REDIC1: variants seen among roughly 807,000 people sequenced by gnomAD.
REDIC1 encodes the protein HEI10 Interacting Protein 1.
chr12:39,696,322 T>C, the REDIC1 span, among the ~76,000 whole-genome samples: 2 of 151,174 alleles, frequency 1.3e-5, no homozygotes, highest in Non-Finnish European at 2.9e-5. Context: ...GGCGGGCGGA[T>C]CACGAGGTCA....
the REDIC1 span, among the ~76,000 whole-genome samples, chr12:39,699,096 C>T: frequency 6.6e-6 from 1 of 152,142 alleles, no homozygotes; most frequent in Admixed American, 6.5e-5. Context: ...TTTATCTAGA[C>T]TAAGAAAAAA....
At chr12:39,668,070 A>C in the REDIC1 span, among the ~76,000 whole-genome samples, 27 of 151,668 alleles carry the variant, frequency 1.8e-4, no homozygotes, top group African/African-American at 6.3e-4. Context: ...ATTTACATTT[A>C]AGGTTAATAT....
At chr12:39,738,544 C>A in the REDIC1 span, among the ~76,000 whole-genome samples, 1 of 152,274 alleles carries the variant, frequency 6.6e-6, no homozygotes, top group South Asian at 2.1e-4. Context: ...GTTATGTTTG[C>A]AATTTCTTTG....
chr12:39,738,183 C>T, the REDIC1 span, among the ~76,000 whole-genome samples: 11 of 152,134 alleles, frequency 7.2e-5, no homozygotes, highest in African/African-American at 2.7e-4. Flanking sequence ...CGGTTAAATG[C>T]TTTTGCTCTG....
chr12:39,720,177 A>T, the REDIC1 span, among the ~76,000 whole-genome samples: 1 of 151,950 alleles, frequency 6.6e-6, no homozygotes, highest in South Asian at 2.1e-4. Context: ...TTTATATAAC[A>T]GTTGAGATAT....
chr12:39,632,893 G>C, the REDIC1 span, among the ~76,000 whole-genome samples: 6 of 152,098 alleles, frequency 3.9e-5, no homozygotes, highest in East Asian at 7.7e-4. Context: ...AAGTTGACCT[G>C]GGTGAGTCAG....
At chr12:39,759,795 T>G in the REDIC1 span, 1 of 491,718 alleles carries the variant, frequency 2.0e-6, no homozygotes, top group African/African-American at 2.0e-5. Flanking sequence ...CACATTTGCT[T>G]AAGAATTATT....
At chr12:39,871,815 G>C in the REDIC1 span, 1 of 1,608,188 alleles carries the variant, frequency 6.2e-7, no homozygotes, top group Non-Finnish European at 8.5e-7. Flanking sequence ...ACTACCAAAG[G>C]TAAGCTTTCT....
chr12:39,656,437 C>T, the REDIC1 span, among the ~76,000 whole-genome samples: 3 of 151,940 alleles, frequency 2.0e-5, no homozygotes, highest in African/African-American at 4.8e-5. Flanking sequence ...TATTAACAAA[C>T]CTGCCAGTCA....
At chr12:39,711,735 GTA>G in the REDIC1 span, among the ~76,000 whole-genome samples, 4,686 of 107,124 alleles carry the variant, frequency 0.044, 185 homozygotes, top group Non-Finnish European at 0.062. Context: ...ATGCATGTGT[GTA>G]TGTGTGTATA....
At chr12:39,731,967 G>C in the REDIC1 span, among the ~76,000 whole-genome samples, 3 of 151,804 alleles carry the variant, frequency 2.0e-5, no homozygotes, top group African/African-American at 7.3e-5. Flanking sequence ...TGAAAAAACA[G>C]AATTCTGCCA....
chr12:39,717,822 G>C, the REDIC1 span, among the ~76,000 whole-genome samples: 1 of 151,992 alleles, frequency 6.6e-6, no homozygotes, highest in Non-Finnish European at 1.5e-5. Context: ...TTCTGGCACT[G>C]CTTCTTTTAT....
chr12:39,905,833 A>AAAAC, the REDIC1 span, among the ~76,000 whole-genome samples: 33 of 151,582 alleles, frequency 2.2e-4, no homozygotes, highest in South Asian at 1.3e-3. Flanking sequence ...AAAAAAAAAA[A>AAAAC]AACTACACTT....
At chr12:39,630,286 A>G in the REDIC1 span, among the ~76,000 whole-genome samples, 1 of 152,216 alleles carries the variant, frequency 6.6e-6, no homozygotes, top group Non-Finnish European at 1.5e-5. Flanking sequence ...CAGATCGGCT[A>G]TAGATCTATA....
At chr12:39,833,419 T>C in the REDIC1 span, among the ~76,000 whole-genome samples, 1 of 152,036 alleles carries the variant, frequency 6.6e-6, no homozygotes, top group African/African-American at 2.4e-5. Context: ...TCAACATTCA[T>C]TCCCCACTGA....
chr12:39,872,302 T>C, the REDIC1 span, among the ~76,000 whole-genome samples: 2 of 152,330 alleles, frequency 1.3e-5, no homozygotes, highest in East Asian at 3.9e-4. Flanking sequence ...AATAAGGTTA[T>C]GTTATATTAA....
chr12:39,664,136 A>T, the REDIC1 span, among the ~76,000 whole-genome samples: 1 of 151,656 alleles, frequency 6.6e-6, no homozygotes, highest in Non-Finnish European at 1.5e-5. Flanking sequence ...CAGGTTAGTT[A>T]CATATGTATA....
the REDIC1 span, among the ~76,000 whole-genome samples, chr12:39,790,172 G>T: frequency 5.5e-4 from 81 of 146,752 alleles, no homozygotes; most frequent in Admixed American, 5.5e-3. Flanking sequence ...ATTGAAGAAA[G>T]AATTTTTTAT....
At chr12:39,753,155 G>T in the REDIC1 span, among the ~76,000 whole-genome samples, 1 of 152,212 alleles carries the variant, frequency 6.6e-6, no homozygotes, top group Non-Finnish European at 1.5e-5. Context: ...TAGACTGCAT[G>T]CTGATGATCT....
Sources: allele counts gnomAD v4.1 joint callset (sites outside exome capture counted in the v4.1 genomes callset), GRCh38; gene constraint gnomAD v4.1.1; transcripts MANE v1.5; gene names NCBI Gene and HGNC (gene_info 2026-07-23, HGNC 2026-07-21).